Variants in KCNN2 observed in about 807,000 individuals in gnomAD.
KCNN2 encodes small conductance calcium-activated potassium channel protein 2.
Under a neutral mutation model 55.5 loss-of-function variants are expected in KCNN2, and 24 were observed. The ratio of observed to expected loss-of-function variants is 0.43; its 90% CI spans 0.31 to 0.61. The LOEUF is 0.61. Ranked by LOEUF, KCNN2 falls within the 20% of genes least tolerant of loss-of-function variation. KCNN2 has a pLI of 0.08. For synonymous variants in KCNN2, 431 were observed against 336.1 expected (o/e 1.28, Z -3.09); for missense variants, 754 against 853.6 (o/e 0.88, Z 1.45).
chr5:114,489,724 G>C (rs1167868475), intron 6 of KCNN2, among the ~76,000 whole-genome samples: 2 of 152,130 alleles, frequency 1.3e-5, no homozygotes, highest in African/African-American at 2.4e-5. Context: ...AGTGTTGGAA[G>C]TTAGGGAGTG....
intron 1 of KCNN2, among the ~76,000 whole-genome samples, chr5:114,082,857 T>A (rs1329129273): frequency 2.6e-5 from 4 of 152,112 alleles, no homozygotes; most frequent in African/African-American, 9.7e-5. Flanking sequence ...CTTAAGATCG[T>A]CAAAATCATA....
Position 114,496,140 on chromosome 5 carries a change from G to A in KCNN2, c.2334G>A (p.Arg778=). Residue 778 remains arginine, a synonymous_variant, in exon 8 of 8, where the codon CGG becomes CGA. Transcript: ENST00000673685. ...CCCGGTCCTCGTCCAGGAGGCGGCGGTCCTCTTCCACAGCACCACCAACTT... is the reference window on the plus strand; with the variant it reads ...CCCGGTCCTCGTCCAGGAGGCGGCGATCCTCTTCCACAGCACCACCAACTT... ...ERSRSSSRRR[R]SSSTAPPTSS... 4.3e-6 allele frequency: 7 copies of A among 1,613,978 alleles called. No homozygotes were observed. Among genetic ancestry groups the A allele is most frequent in the Non-Finnish European group, 5.9e-6 (7 of 1,179,944 alleles).
At chr5:114,145,892 T>C (rs1419515164) in intron 1 of KCNN2, among the ~76,000 whole-genome samples, 1 of 152,124 alleles carries the variant, frequency 6.6e-6, no homozygotes, top group Admixed American at 6.6e-5. Context: ...TTGTCTGTTG[T>C]AAAGGAGTTA....
intron 1 of KCNN2, among the ~76,000 whole-genome samples, chr5:114,174,653 CCT>C (rs148502177): frequency 0.013 from 1,945 of 152,200 alleles, 42 homozygotes; most frequent in African/African-American, 0.044. Context: ...CAATGAAAAA[CCT>C]CTGTGTTTGG....
intron 1 of KCNN2, among the ~76,000 whole-genome samples, chr5:114,205,539 A>G (rs1249285739): frequency 1.3e-5 from 2 of 152,234 alleles, no homozygotes. Context: ...AGCTTTCATC[A>G]CTGTAGGTGG....
intron 5 of KCNN2, among the ~76,000 whole-genome samples, chr5:114,477,974 C>G (rs1762047101): frequency 6.6e-6 from 1 of 152,154 alleles, no homozygotes; most frequent in African/African-American, 2.4e-5. Flanking sequence ...ATTTATTTCA[C>G]ATTGTCCTTG....
intron 1 of KCNN2, among the ~76,000 whole-genome samples, chr5:114,156,858 C>G (rs577325209): frequency 6.6e-6 from 1 of 152,114 alleles, no homozygotes; most frequent in South Asian, 2.1e-4. Context: ...AGTTCCTTTT[C>G]TAAAGGTAAG....
chr5:114,139,466 CCA>C (rs55685168), intron 1 of KCNN2, among the ~76,000 whole-genome samples: 12 of 149,766 alleles, frequency 8.0e-5, no homozygotes, highest in Admixed American at 1.3e-4. Flanking sequence ...ACCACCCCCC[CCA>C]CACACACACA....
intron 3 of KCNN2, among the ~76,000 whole-genome samples, chr5:114,418,133 T>C (rs1407570606): frequency 1.3e-5 from 2 of 152,240 alleles, no homozygotes; most frequent in African/African-American, 2.4e-5. Flanking sequence ...CTAATGGGAA[T>C]ATTATACATT....
intron 2 of KCNN2, among the ~76,000 whole-genome samples, chr5:114,268,294 C>A (rs1755252045): frequency 6.6e-6 from 1 of 152,224 alleles, no homozygotes; most frequent in Non-Finnish European, 1.5e-5. Context: ...TACTAATACA[C>A]AATTTTATGA....
chr5:114,079,668 T>A (rs1402619556), intron 1 of KCNN2, among the ~76,000 whole-genome samples: 2 of 152,150 alleles, frequency 1.3e-5, no homozygotes, highest in East Asian at 3.9e-4. Flanking sequence ...CAGATTTGAT[T>A]CTGCTTGCCT....
At chr5:114,455,924 G>C (rs772682594) in intron 3 of KCNN2, among the ~76,000 whole-genome samples, 52 of 152,200 alleles carry the variant, frequency 3.4e-4, no homozygotes, top group Non-Finnish European at 4.4e-5. Flanking sequence ...CTTGAAGCCA[G>C]CAGAGGTTGG....
intron 1 of KCNN2, among the ~76,000 whole-genome samples, chr5:114,214,621 C>G (rs896114926): frequency 6.6e-6 from 1 of 152,046 alleles, no homozygotes; most frequent in Non-Finnish European, 1.5e-5. Flanking sequence ...CCCCACAATT[C>G]CTGAGGTTTT....
intron 1 of KCNN2, among the ~76,000 whole-genome samples, chr5:114,127,662 G>C (rs1751966429): frequency 6.6e-6 from 1 of 152,156 alleles, no homozygotes; most frequent in Non-Finnish European, 1.5e-5. Context: ...TCAGCTCCTT[G>C]TTTTTTATGC....
intron 4 of KCNN2, among the ~76,000 whole-genome samples, chr5:114,469,446 T>G (rs1052620853): frequency 4.6e-5 from 7 of 152,162 alleles, no homozygotes; most frequent in African/African-American, 1.7e-4. Context: ...TTGCTTAAGT[T>G]TTTTCTAAGA....
chr5:114,060,901 A>G (rs1750312916), intron 1 of KCNN2, among the ~76,000 whole-genome samples: 1 of 152,228 alleles, frequency 6.6e-6, no homozygotes, highest in Admixed American at 6.5e-5. Flanking sequence ...TAATTCTGAG[A>G]ATTCAGCCTC....
rs146527409 is a variant in KCNN2 at position 114,096,641 on chromosome 5, C to G, written c.-271+40141C>G. On this transcript the variant is annotated intron_variant, in intron 1 of 10. Coordinates refer to the KCNN2 transcript ENST00000512097. ...TCACTGTAGCCCCAGGAAGGTCCCT[C>G]TCTCCCTCGTGGTACTCCTCCTGTG... Among the ~76,000 whole-genome samples, 392 of 152,210 alleles carry G rather than the reference C, an allele frequency of 2.6e-3. 1 individual carries two copies. Among genetic ancestry groups the G allele is most frequent in the African/African-American group, 8.9e-3 (368 of 41,540 alleles).
Position 114,440,912 on chromosome 5 carries a change from TC to T in KCNN2, c.1638-22136del, listed in dbSNP as rs528786396. 1.3e-3 allele frequency among the ~76,000 whole-genome samples: 124 copies of T among 94,946 alleles called. No individual in the cohort carries two copies. In the South Asian group the frequency reaches 0.022, roughly 17 times the overall value. 62.3% of individuals were successfully genotyped at this position (94,946 alleles called of 152,430 possible). A position where few individuals can be genotyped will look rare whatever the true frequency, so the allele number is the denominator to read the frequency against. ...TGTTAGTGATCACAATAAATGATATTCTTTTTTTTATTCTAACTATATAAAG... is the reference window on the plus strand; with the variant it reads ...TGTTAGTGATCACAATAAATGATATTTTTTTTTTATTCTAACTATATAAAG... On this transcript the variant is annotated intron_variant, in intron 3 of 7. Coordinates refer to ENST00000673685, the MANE Select transcript of KCNN2 (RefSeq NM_021614.4).
intron 2 of KCNN2, among the ~76,000 whole-genome samples, chr5:114,259,918 T>C (rs1440070596): frequency 6.6e-6 from 1 of 152,198 alleles, no homozygotes; most frequent in African/African-American, 2.4e-5. Context: ...CTGAGGAGAA[T>C]TGGCATCTGA....
Sources: allele counts gnomAD v4.1 joint callset (sites outside exome capture counted in the v4.1 genomes callset), GRCh38; gene constraint gnomAD v4.1.1; transcripts MANE v1.5; gene names NCBI Gene and HGNC (gene_info 2026-07-23, HGNC 2026-07-21).